ANKFN1: variants seen among roughly 807,000 people sequenced by gnomAD.
ANKFN1 encodes the protein ankyrin repeat and fibronectin type-III domain-containing protein 1.
In ANKFN1, 74 loss-of-function variants were observed where a neutral mutation model predicts 108.7. The ratio of observed to expected loss-of-function variants is 0.68; its 90% CI spans 0.56 to 0.83. The LOEUF is 0.83. ANKFN1 is among the 40% of genes least tolerant of loss of function. The probability of loss-of-function intolerance (pLI) is 0.00; values close to 1 mark genes in which losing one functional copy is unlikely to be tolerated. For missense variants in ANKFN1, 1,505 were observed against 1,382.3 expected (o/e 1.09, Z -1.41); for synonymous variants, 547 against 516.2 (o/e 1.06, Z -0.81).
intron 4 of ANKFN1, among the ~76,000 whole-genome samples, chr17:56,094,481 T>C (rs1905481683): frequency 2.4e-5 from 3 of 126,660 alleles, no homozygotes; most frequent in South Asian, 5.0e-4. Flanking sequence ...CTTCTTTTTT[T>C]TTTTTTTTTT....
intron 4 of ANKFN1, among the ~76,000 whole-genome samples, chr17:56,052,732 T>G (rs73323666): frequency 0.12 from 17,904 of 152,092 alleles, 1,214 homozygotes; most frequent in African/African-American, 0.19. Flanking sequence ...TGTCATCCTC[T>G]CAACAACCCT....
chr17:56,104,892 A>AT (rs1466095602), intron 4 of ANKFN1, among the ~76,000 whole-genome samples: 2 of 152,200 alleles, frequency 1.3e-5, no homozygotes, highest in Non-Finnish European at 2.9e-5. Context: ...ACTTTCATGC[A>AT]TTCAGATATG....
chr17:56,432,587 C>T (rs1014932750), intron 8 of ANKFN1, among the ~76,000 whole-genome samples: 3 of 152,170 alleles, frequency 2.0e-5, no homozygotes, highest in African/African-American at 7.2e-5. Flanking sequence ...CAGTCAGGTC[C>T]ACAGATGCCC....
At chr17:56,369,384 T>C (rs2046750374) in intron 6 of ANKFN1, among the ~76,000 whole-genome samples, 1 of 152,054 alleles carries the variant, frequency 6.6e-6, no homozygotes, top group Non-Finnish European at 1.5e-5. Context: ...TGAAACATTA[T>C]AAAAATTGAA....
intron 4 of ANKFN1, among the ~76,000 whole-genome samples, chr17:56,095,739 C>T (rs1905521703): frequency 6.6e-6 from 1 of 152,188 alleles, no homozygotes; most frequent in Non-Finnish European, 1.5e-5. Flanking sequence ...CAGGGGAGGT[C>T]ACTGGGTTGG....
chr17:56,308,929 T>C (rs1317010431), intron 3 of ANKFN1, among the ~76,000 whole-genome samples: 1 of 152,236 alleles, frequency 6.6e-6, no homozygotes, highest in Non-Finnish European at 1.5e-5. Context: ...CACTTTGTCC[T>C]GGTATATAAT....
At chr17:56,375,079 T>C (rs960124104) in intron 8 of ANKFN1, among the ~76,000 whole-genome samples, 1 of 152,020 alleles carries the variant, frequency 6.6e-6, no homozygotes, top group African/African-American at 2.4e-5. Context: ...TGGAACATAC[T>C]AAGTAGGGGT....
chr17:56,087,369 C>T (rs1905335972), intron 4 of ANKFN1, among the ~76,000 whole-genome samples: 1 of 151,388 alleles, frequency 6.6e-6, no homozygotes, highest in African/African-American at 2.4e-5. Flanking sequence ...CTCACCTGAC[C>T]TTGGAAAGCA....
At position 56,318,285 on chromosome 17, in the gene ANKFN1, A is replaced by G. The variant is rs562164827; in HGVS notation, c.54-7936A>G. On this transcript the variant is annotated intron_variant, in intron 3 of 20. Coordinates refer to ENST00000682825, the MANE Select transcript of ANKFN1 (RefSeq NM_001370326.1). The stretch of plus-strand genomic sequence containing the variant: ...TGGCATGATACCTCTACCCTCACCA[A>G]TACTGTCCTGAAATGGAAGAAGCAG... Among the ~76,000 whole-genome samples the G allele has an allele frequency of 9.9e-5, 15 of 152,272 alleles. 1 individual carries two copies. In the South Asian group the frequency reaches 2.7e-3, roughly 27 times the overall value.
chr17:56,479,899 T>C (rs1025099868), intron 16 of ANKFN1, among the ~76,000 whole-genome samples: 6 of 152,236 alleles, frequency 3.9e-5, no homozygotes, highest in Non-Finnish European at 8.8e-5. Context: ...GAGAGACCTG[T>C]GGAAACAATG....
rs536064824 is a variant in ANKFN1 at position 56,111,125 on chromosome 17, C to T, written c.288+64800C>T. ...CTGGCCCACTCCCCCTGCCCCTTAA[C>T]AGCCTGGCAGCTGGCCTTTCAAACT... On this transcript the variant is annotated intron_variant, in intron 4 of 12. Transcript: ENST00000635860. 1.5e-3 allele frequency: 224 copies of T among 152,546 alleles called. 1 individual carries two copies. The highest frequency in any genetic ancestry group is 2.8e-3 in the Non-Finnish European group (193 of 68,210). The allele number at this position is 152,546 out of a possible 1,614,324, so 9.4% of individuals were successfully genotyped here. A position where few individuals can be genotyped will look rare whatever the true frequency, so the allele number is the denominator to read the frequency against.
intron 4 of ANKFN1, among the ~76,000 whole-genome samples, chr17:56,144,182 A>C (rs79761427): frequency 1.4e-5 from 1 of 69,968 alleles, no homozygotes; most frequent in African/African-American, 3.9e-5. Flanking sequence ...AAAAAAAAAA[A>C]AAACAGCCCA....
In ANKFN1 at chr17:56,350,642, C is replaced by A. The variant is rs2046222224; in HGVS notation, c.189-124C>A. 2.5e-5 allele frequency: 22 copies of A among 893,974 alleles called. No homozygotes were observed. In the South Asian group the frequency reaches 3.5e-4, roughly 14 times the overall value. 55.4% of individuals were successfully genotyped at this position (893,974 alleles called of 1,614,324 possible). ...TAAAAAAAGCTGGGTCTGATAATCT[C>A]TAAGGTCCCTACCAGCTCTAATATT... On this transcript the variant is annotated intron_variant, in intron 4 of 20. Coordinates refer to ENST00000682825, the MANE Select transcript of ANKFN1 (RefSeq NM_001370326.1).
chr17:56,302,548 G>A, intron 3 of ANKFN1, among the ~76,000 whole-genome samples: 1 of 149,904 alleles, frequency 6.7e-6, no homozygotes. Flanking sequence ...GAGAGAGTGA[G>A]AGAAAAGAAG....
At chr17:56,065,389 A>G (rs754855775) in intron 4 of ANKFN1, among the ~76,000 whole-genome samples, 18 of 152,312 alleles carry the variant, frequency 1.2e-4, no homozygotes, top group East Asian at 1.2e-3. Flanking sequence ...TCATGTGCTC[A>G]TAGGAGTAAC....
At chr17:56,162,010 T>C (rs1327967466) in intron 1 of ANKFN1, among the ~76,000 whole-genome samples, 1 of 152,182 alleles carries the variant, frequency 6.6e-6, no homozygotes, top group Non-Finnish European at 1.5e-5. Flanking sequence ...GTTATTTTCA[T>C]CCTAGTTCCA....
chr17:56,260,287 T>C (rs2043474712), intron 3 of ANKFN1, among the ~76,000 whole-genome samples: 1 of 152,198 alleles, frequency 6.6e-6, no homozygotes, highest in Non-Finnish European at 1.5e-5. Context: ...CAGAGGCATA[T>C]GGATTAGATT....
At chr17:56,157,970 G>C (rs1174680134) in intron 1 of ANKFN1, among the ~76,000 whole-genome samples, 1 of 152,132 alleles carries the variant, frequency 6.6e-6, no homozygotes, top group East Asian at 1.9e-4. Flanking sequence ...GTATTTCTTG[G>C]CACTCATAAC....
At chr17:56,112,005 A>G (rs1254144119) in intron 4 of ANKFN1, among the ~76,000 whole-genome samples, 1 of 152,208 alleles carries the variant, frequency 6.6e-6, no homozygotes, top group East Asian at 1.9e-4. Flanking sequence ...TGCATGGCAA[A>G]ATTCTCAAGG....
Sources: allele counts gnomAD v4.1 joint callset (sites outside exome capture counted in the v4.1 genomes callset), GRCh38; gene constraint gnomAD v4.1.1; transcripts MANE v1.5; gene names NCBI Gene and HGNC (gene_info 2026-07-23, HGNC 2026-07-21).